TRPC4AP: variants seen among roughly 807,000 people sequenced by gnomAD.
TRPC4AP encodes transient receptor potential cation channel subfamily C member 4 associated protein.
Under a neutral mutation model 99.0 loss-of-function variants are expected in TRPC4AP, and 45 were observed. That is an observed-to-expected ratio of 0.45 (90% CI 0.36 to 0.58). The LOEUF is 0.58. Ranked by LOEUF, TRPC4AP falls within the 20% of genes least tolerant of loss-of-function variation. The probability of loss-of-function intolerance (pLI) is 0.00; values close to 1 mark genes in which losing one functional copy is unlikely to be tolerated. For synonymous variants in TRPC4AP, 408 were observed against 385.8 expected (o/e 1.06, Z -0.67); for missense variants, 879 against 985.3 (o/e 0.89, Z 1.44).
At chr20:35,029,427 GAATT>G (rs2083112934) in intron 8 of TRPC4AP, among the ~76,000 whole-genome samples, 1 of 152,060 alleles carries the variant, frequency 6.6e-6, no homozygotes, top group East Asian at 1.9e-4. Flanking sequence ...TCTTTTGAAT[GAATT>G]GTTAAATCTA....
At chr20:35,013,391 G>A (rs1332673629) in intron 10 of TRPC4AP, among the ~76,000 whole-genome samples, 2 of 152,086 alleles carry the variant, frequency 1.3e-5, no homozygotes, top group South Asian at 2.1e-4. Flanking sequence ...ACCAGCCTGG[G>A]CAACATGGCA....
In TRPC4AP at chr20:35,003,602, G is replaced by A. The variant is rs201107814; in HGVS notation, c.2064C>T (p.Cys688=). Residue 688 remains cysteine (C), a synonymous_variant, in exon 18 of 19, where the codon TGC becomes TGT. Coordinates refer to ENST00000252015, the MANE Select transcript of TRPC4AP (RefSeq NM_015638.3). ...TCAGGATCACCAGGCTGGTGTTGAG[G>A]CAGCTGACGTTCTCCTGCAAGGCCA... ...VQTLTQENVS[C]LNTSLVILML... 7.4e-6 allele frequency: 12 copies of A among 1,613,728 alleles called. 1 individual carries two copies. The East Asian group carries it at 1.6e-4, about 21-fold the overall frequency.
chr20:35,011,843 T>C (rs986126675), intron 11 of TRPC4AP, among the ~76,000 whole-genome samples: 2 of 152,258 alleles, frequency 1.3e-5, no homozygotes, highest in African/African-American at 4.8e-5. Context: ...GGAGAGTTCC[T>C]GAGTGTCCTC....
chr20:35,074,170 A>G (rs1366997879), intron 2 of TRPC4AP, among the ~76,000 whole-genome samples: 1 of 151,422 alleles, frequency 6.6e-6, no homozygotes, highest in East Asian at 1.9e-4. Flanking sequence ...CTCTTTTCTT[A>G]TTAGTCTTGC....
chr20:35,090,530 C>T (rs1048695758), intron 1 of TRPC4AP, among the ~76,000 whole-genome samples: 1 of 152,012 alleles, frequency 6.6e-6, no homozygotes, highest in African/African-American at 2.4e-5. Context: ...CTTACCACCA[C>T]GCCCGGCTAA....
Position 35,035,273 on chromosome 20 carries a change from G to T in TRPC4AP, c.901C>A (p.Leu301Ile). Residue 301 changes from leucine (L) to isoleucine (I), a missense_variant, in exon 8 of 19, where the codon CTT (leucine) becomes ATT (isoleucine). Coordinates refer to ENST00000252015, the MANE Select transcript of TRPC4AP (RefSeq NM_015638.3). ...ACCTTTCGAGTCGCCAGTTTGCAAAGCCGCTCAACAAAGCCAGGAATGCTG... is the reference window on the plus strand; with the variant it reads ...ACCTTTCGAGTCGCCAGTTTGCAAATCCGCTCAACAAAGCCAGGAATGCTG... ...LLSIPGFVERLCKLATRKVSE... is the reference protein window; with the variant it reads ...LLSIPGFVERICKLATRKVSE... The T allele has an allele frequency of 6.2e-7, 1 of 1,614,064 alleles. No homozygotes were observed. Among genetic ancestry groups the T allele is most frequent in the Non-Finnish European group, 8.5e-7 (1 of 1,179,996 alleles).
chr20:35,024,039 TC>T (rs1447417753), intron 8 of TRPC4AP, among the ~76,000 whole-genome samples: 1 of 151,890 alleles, frequency 6.6e-6, no homozygotes, highest in Admixed American at 6.6e-5. Context: ...AGGCCTGTGC[TC>T]CCCTGAGTCT....
intron 5 of TRPC4AP, among the ~76,000 whole-genome samples, chr20:35,052,085 AGGTTTTTTTTT>A (rs1483642115): frequency 3.3e-5 from 5 of 149,352 alleles, no homozygotes; most frequent in Non-Finnish European, 7.4e-5. Context: ...CATTCATCAT[AGGTTTTTTTTT>A]GGTTTTTTTT....
intron 3 of TRPC4AP, among the ~76,000 whole-genome samples, chr20:35,062,419 GAACAACCC>G (rs1288428850): frequency 2.0e-5 from 3 of 152,150 alleles, no homozygotes; most frequent in Non-Finnish European, 4.4e-5. Flanking sequence ...CCAAAAGTGG[GAACAACCC>G]AAATGTCCAT....
chr20:35,024,380 G>GT (rs2082967853), intron 8 of TRPC4AP, among the ~76,000 whole-genome samples: 1 of 152,078 alleles, frequency 6.6e-6, no homozygotes, highest in African/African-American at 2.4e-5. Context: ...GCAATTGCCT[G>GT]TTCAGGACAC....
intron 6 of TRPC4AP, among the ~76,000 whole-genome samples, chr20:35,048,432 T>C (rs111552972): frequency 1.8e-4 from 27 of 152,156 alleles, no homozygotes; most frequent in African/African-American, 5.8e-4. Flanking sequence ...ATGGCCAGGC[T>C]GTTCTCAAAC....
chr20:35,014,047 C>T (rs941347544), intron 10 of TRPC4AP, among the ~76,000 whole-genome samples: 5 of 152,202 alleles, frequency 3.3e-5, no homozygotes, highest in African/African-American at 9.6e-5. Flanking sequence ...GCTGAGGCTA[C>T]ACAGGTATCC....
rs529212791 is a variant in TRPC4AP at position 35,047,068 on chromosome 20, CCT to C, written c.658-2358_658-2357del. Among the ~76,000 whole-genome samples, 33 of 152,194 alleles carry C rather than the reference CCT, an allele frequency of 2.2e-4. No individual in the cohort carries two copies. The South Asian group carries it at 5.8e-3, about 27-fold the overall frequency. On this transcript the variant is annotated intron_variant, in intron 6 of 18. Transcript: ENST00000252015. Reference sequence around the variant, plus strand: ...ATTTTTAGTAGAGACAGGGTTTCACCCTGTTGGCCAGGCTGGTCTCCTGACCT... The same window carrying C: ...ATTTTTAGTAGAGACAGGGTTTCACCGTTGGCCAGGCTGGTCTCCTGACCT...
Position 35,086,575 on chromosome 20 carries a change from G to GTGTA in TRPC4AP, c.168+6038_168+6039insTACA, listed in dbSNP as rs1555919531. 3.1e-4 allele frequency among the ~76,000 whole-genome samples: 28 copies of GTGTA among 89,786 alleles called. 1 individual carries two copies. The highest frequency in any genetic ancestry group is 1.1e-3 in the African/African-American group (27 of 25,448). 58.9% of individuals were successfully genotyped at this position (89,786 alleles called of 152,430 possible). A position where few individuals can be genotyped will look rare whatever the true frequency, so the allele number is the denominator to read the frequency against. On this transcript the variant is annotated intron_variant, in intron 1 of 18. Coordinates refer to ENST00000252015, the MANE Select transcript of TRPC4AP (RefSeq NM_015638.3). ...TGTGTGTGTGTGTGTGTGTGTGTGT[G>GTGTA]TATATATATATGAATAAGACTTTAT...
At chr20:35,042,788 G>C (rs1252713781) in intron 7 of TRPC4AP, among the ~76,000 whole-genome samples, 1 of 152,134 alleles carries the variant, frequency 6.6e-6, no homozygotes, top group African/African-American at 2.4e-5. Context: ...TTTTGCTACT[G>C]AACAGAAATA....
chr20:35,043,427 A>G (rs189070460), intron 7 of TRPC4AP, among the ~76,000 whole-genome samples: 1 of 152,106 alleles, frequency 6.6e-6, no homozygotes, highest in East Asian at 1.9e-4. Context: ...TTGTATTTTT[A>G]GTAGAGATGG....
At chr20:35,025,303 C>T (rs918878034) in intron 8 of TRPC4AP, among the ~76,000 whole-genome samples, 5 of 152,186 alleles carry the variant, frequency 3.3e-5, no homozygotes, top group African/African-American at 1.2e-4. Context: ...ACCTCAGCCT[C>T]CCAAGTTGTC....
chr20:35,066,543 G>C (rs901948651), intron 3 of TRPC4AP, among the ~76,000 whole-genome samples: 1 of 152,118 alleles, frequency 6.6e-6, no homozygotes, highest in African/African-American at 2.4e-5. Context: ...ATGGGGTTAA[G>C]GGCAGATATC....
chr20:35,044,796 A>T (rs2083522463), intron 6 of TRPC4AP, 84 bp from the exon 7 acceptor site: 2 of 1,372,206 alleles, frequency 1.5e-6, no homozygotes, highest in African/African-American at 2.9e-5. Flanking sequence ...CCCCTTACAT[A>T]CGGGGCTTAG....
Sources: gnomAD v4.1 joint callset for allele counts (sites outside exome capture counted in the v4.1 genomes callset) on GRCh38, gnomAD v4.1.1 for gene constraint, MANE v1.5 for transcripts, NCBI Gene and HGNC (gene_info 2026-07-23, HGNC 2026-07-21) for gene names.